The following ZNF737 variants were observed in gnomAD, a reference collection of about 807,000 sequenced individuals.
ZNF737 encodes the protein zinc finger protein 737.
ZNF737 carries 13 observed loss-of-function variants against 11.7 expected under a neutral mutation model. That is an observed-to-expected ratio of 1.11 (90% CI 0.73 to 1.77). ZNF737 has a LOEUF of 1.77. Among genes scored for constraint, ZNF737 ranks in the 40% most tolerant of loss-of-function variants. The pLI is 0.00. For missense variants in ZNF737, 636 were observed against 638.0 expected (o/e 1.00, Z 0.03); for synonymous variants, 217 against 216.2 (o/e 1.00, Z -0.03).
chr19:20,540,788 T>C lies in ZNF737; in HGVS notation c.*3804A>G, dbSNP rs1451623215. On this transcript the variant is annotated 3_prime_UTR_variant, in exon 4 of 4. Coordinates refer to ENST00000427401, the MANE Select transcript of ZNF737 (RefSeq NM_001159293.2). ...AAAAAAAAAGAGTCTTTCTGCTGCT[T>C]TTGTTATCTACATAAACAAAGATAT... 1.1e-6 allele frequency: 1 copy of C among 904,894 alleles called. No homozygotes were observed. The highest frequency in any genetic ancestry group is 1.3e-6 in the Non-Finnish European group (1 of 756,838). 56.1% of individuals were successfully genotyped at this position (904,894 alleles called of 1,614,324 possible).
At chr19:20,556,851 T>A (rs1308974508) in intron 1 of ZNF737, among the ~76,000 whole-genome samples, 1 of 152,246 alleles carries the variant, frequency 6.6e-6, no homozygotes, top group Non-Finnish European at 1.5e-5. Context: ...AATAGTATGA[T>A]ACAGAGCACT....
At position 20,545,292 on chromosome 19, in the gene ZNF737, T is replaced by C; in HGVS notation, c.911A>G (p.Lys304Arg). 1 of 1,613,258 alleles carries C rather than the reference T, an allele frequency of 6.2e-7. No homozygotes were observed. The highest frequency in any genetic ancestry group is 1.3e-5 in the African/African-American group (1 of 75,014). Residue 304 changes from lysine (K) to arginine (R), a missense_variant, in exon 4 of 4, where the codon AAG becomes AGG. By Grantham distance (26) the Lys-to-Arg change is conservative. Coordinates refer to ENST00000427401, the MANE Select transcript of ZNF737 (RefSeq NM_001159293.2). Reference sequence around the variant, plus strand: ...GGGTTTCTCTCCGCTATGAATTATCTTATGCGCAGTAAGGATAGAGGAGCG... The same window carrying C: ...GGGTTTCTCTCCGCTATGAATTATCCTATGCGCAGTAAGGATAGAGGAGCG... ...FKRSSILTAH[K>R]IIHSGEKPYK...
At position 20,539,065 on chromosome 19, in the gene ZNF737, G is replaced by A. The variant is rs909531422; in HGVS notation, c.*5527C>T. ...AATCCCAGCACTCTGGGAGGCTGAG[G>A]TGGATGGATCACCTGAGGTCAGGAG... On this transcript the variant is annotated 3_prime_UTR_variant, in exon 4 of 4. Transcript: ENST00000427401. The A allele has an allele frequency of 1.1e-6, 1 of 899,988 alleles. No homozygotes were observed. Among genetic ancestry groups the A allele is most frequent in the South Asian group, 5.1e-5 (1 of 19,510 alleles). 55.8% of individuals were successfully genotyped at this position (899,988 alleles called of 1,614,324 possible).
At chr19:20,563,920 C>T (rs1237542666) in intron 1 of ZNF737, 2 of 152,084 alleles carry the variant, frequency 1.3e-5, no homozygotes, top group East Asian at 3.9e-4. Flanking sequence ...AATCCCAGCA[C>T]TTTGGAGGGC....
chr19:20,541,195 A>G lies in ZNF737; in HGVS notation c.*3397T>C. On this transcript the variant is annotated 3_prime_UTR_variant, in exon 4 of 4. Transcript: ENST00000427401. Reference sequence around the variant, plus strand: ...AAGTGTTTAGTTTTGTTAATCACCTAAATAACATAATTTGTTTTGTTGCAG... The same window carrying G: ...AAGTGTTTAGTTTTGTTAATCACCTGAATAACATAATTTGTTTTGTTGCAG... The G allele has an allele frequency of 1.0e-6, 1 of 982,914 alleles. No homozygotes were observed. Among genetic ancestry groups the G allele is most frequent in the Non-Finnish European group, 1.2e-6 (1 of 827,694 alleles). 60.9% of individuals were successfully genotyped at this position (982,914 alleles called of 1,614,324 possible).
intron 1 of ZNF737, among the ~76,000 whole-genome samples, chr19:20,555,442 A>C (rs1555760701): frequency 6.6e-6 from 1 of 152,106 alleles, no homozygotes. Context: ...TCAGCCTCCC[A>C]AAGTGCTGGG....
intron 1 of ZNF737, 80 bp downstream of exon 1, chr19:20,565,558 C>CT: frequency 6.2e-7 from 1 of 1,609,750 alleles, no homozygotes; most frequent in Non-Finnish European, 8.5e-7. Flanking sequence ...GCGCAGAGGC[C>CT]TGAGTCCCGC....
chr19:20,545,955 C>CG lies in ZNF737; in HGVS notation c.247dup (p.Arg83ProfsTer22). ...TATGCTCTGCTCTGGCCAAAGATCTCGGGCAAAATGAGAACACGTAACTGA... is the reference window on the plus strand; with the variant it reads ...TATGCTCTGCTCTGGCCAAAGATCTCGGGGCAAAATGAGAACACGTAACTGA... On this transcript the variant is annotated frameshift_variant, in exon 4 of 4. Transcript: ENST00000427401. LOFTEE classifies it low-confidence loss of function (END_TRUNC). 2 of 1,551,536 alleles carry CG rather than the reference C, an allele frequency of 1.3e-6. No homozygotes were observed. The highest frequency in any genetic ancestry group is 1.7e-6 in the Non-Finnish European group (2 of 1,155,152).
At position 20,539,059 on chromosome 19, in the gene ZNF737, G is replaced by C; in HGVS notation, c.*5533C>G. 5.5e-6 allele frequency: 5 copies of C among 911,754 alleles called. No homozygotes were observed. The highest frequency in any genetic ancestry group is 6.6e-6 in the Non-Finnish European group (5 of 762,876). 56.5% of individuals were successfully genotyped at this position (911,754 alleles called of 1,614,324 possible). ...GCCTGTAATCCCAGCACTCTGGGAG[G>C]CTGAGGTGGATGGATCACCTGAGGT... On this transcript the variant is annotated 3_prime_UTR_variant, in exon 4 of 4. Coordinates refer to ENST00000427401, the MANE Select transcript of ZNF737 (RefSeq NM_001159293.2).
rs1440506579 is a variant in ZNF737 at position 20,541,142 on chromosome 19, AAG to A, written c.*3448_*3449del. 1.0e-5 allele frequency: 10 copies of A among 981,936 alleles called. No individual in the cohort carries two copies. The African/African-American group carries it at 1.6e-4, about 15-fold the overall frequency. The allele number at this position is 981,936 out of a possible 1,614,324, so 60.8% of individuals were successfully genotyped here. On this transcript the variant is annotated 3_prime_UTR_variant, in exon 4 of 4. Transcript: ENST00000427401. The stretch of plus-strand genomic sequence containing the variant: ...ATTAATAAATTCAATACAAAGCAGA[AAG>A]TATAGATTTGCTTTCACCATTTTAA...
intron 1 of ZNF737, among the ~76,000 whole-genome samples, chr19:20,556,858 C>T (rs1235760597): frequency 2.0e-5 from 3 of 152,206 alleles, no homozygotes; most frequent in Non-Finnish European, 4.4e-5. Flanking sequence ...TGATACAGAG[C>T]ACTGTGCTGG....
chr19:20,535,012 T>C (rs1568419556), downstream of ZNF737, among the ~76,000 whole-genome samples: 1 of 150,066 alleles, frequency 6.7e-6, no homozygotes, highest in Non-Finnish European at 1.5e-5. Flanking sequence ...ATAATTTATA[T>C]ATTAAAATTA....
chr19:20,562,856 A>G (rs1164145888), intron 1 of ZNF737, among the ~76,000 whole-genome samples: 1 of 152,008 alleles, frequency 6.6e-6, no homozygotes, highest in Admixed American at 6.6e-5. Context: ...ATACAACCCC[A>G]TTTTATGTCC....
Position 20,552,567 on chromosome 19 carries a change from A to C in ZNF737, c.134T>G (p.Ile45Ser). 1 of 1,574,924 alleles carries C rather than the reference A, an allele frequency of 6.3e-7. No individual in the cohort carries two copies. Among genetic ancestry groups the C allele is most frequent in the Non-Finnish European group, 8.6e-7 (1 of 1,163,914 alleles). Reference protein sequence around the residue: ...ENYRNLVFLGIVVSKPDLITC... With the variant: ...ENYRNLVFLGSVVSKPDLITC... ...GATGAGGTCTGGCTTAGAGACAACA[A>C]TACCTGTTTTATTAAAAATAAATAA... Residue 45 changes from isoleucine to serine, a missense_variant, in exon 3 of 4, where the codon ATT (isoleucine) becomes AGT (serine). Coordinates refer to ENST00000427401, the MANE Select transcript of ZNF737 (RefSeq NM_001159293.2).
chr19:20,544,497 AT>A lies in ZNF737; in HGVS notation c.*94del. 8 of 1,530,612 alleles carry A rather than the reference AT, an allele frequency of 5.2e-6. No individual in the cohort carries two copies. In the South Asian group the frequency reaches 1.0e-4, roughly 20 times the overall value. The allele number at this position is 1,530,612 out of a possible 1,614,324, so 94.8% of individuals were successfully genotyped here. The stretch of plus-strand genomic sequence containing the variant: ...GAGGATGAAATAAAGGCTTTGCCAC[AT>A]TTATCACACTTGTACAGTTTCCCTC... On this transcript the variant is annotated 3_prime_UTR_variant, in exon 4 of 4. Coordinates refer to ENST00000427401, the MANE Select transcript of ZNF737 (RefSeq NM_001159293.2).
chr19:20,530,713 G>A, the ZNF737 span, among the ~76,000 whole-genome samples: 9 of 148,104 alleles, frequency 6.1e-5, 1 homozygote, highest in East Asian at 4.1e-4. Context: ...ATGGGATGGC[G>A]GCCGGGCAGA....
Position 20,544,657 on chromosome 19 carries a change from T to A in ZNF737, c.1546A>T (p.Lys516Ter). 1 of 1,609,116 alleles carries A rather than the reference T, an allele frequency of 6.2e-7. No individual in the cohort carries two copies. Among genetic ancestry groups the A allele is most frequent in the South Asian group, 1.1e-5 (1 of 90,642 alleles). Residue 516 changes from lysine (K) to a stop codon, truncating the protein, a stop_gained, in exon 4 of 4, where the codon AAA becomes TAA. Coordinates refer to ENST00000427401, the MANE Select transcript of ZNF737 (RefSeq NM_001159293.2). LOFTEE classifies it low-confidence loss of function (END_TRUNC). ...AGGGTAGAGGGGCACTTAAAGCCTT[T>A]GCCACATTCTTCACATTTGTAGGGT... is the stretch of plus-strand genomic sequence containing the variant. ...EKPYKCEECG[K>*]GFKCPSTLTT...
intron 1 of ZNF737, among the ~76,000 whole-genome samples, chr19:20,559,227 A>G (rs1968995020): frequency 6.6e-6 from 1 of 152,192 alleles, no homozygotes; most frequent in Non-Finnish European, 1.5e-5. Context: ...GGAAACTATC[A>G]ACAGAGGAAA....
downstream of ZNF737, among the ~76,000 whole-genome samples, chr19:20,531,859 G>T (rs562965210): frequency 6.7e-6 from 1 of 150,152 alleles, no homozygotes; most frequent in Admixed American, 6.6e-5. Context: ...CTCACATAGA[G>T]AATTCTATAA....
Sources: gnomAD v4.1 joint callset for allele counts (sites outside exome capture counted in the v4.1 genomes callset) on GRCh38, gnomAD v4.1.1 for gene constraint, MANE v1.5 for transcripts, NCBI Gene and HGNC (gene_info 2026-07-23, HGNC 2026-07-21) for gene names.